The following WDR1 variants were observed in gnomAD, a reference collection of about 807,000 sequenced individuals.
The protein encoded by WDR1 is WD repeat-containing protein 1.
WDR1 carries 21 observed loss-of-function variants against 71.9 expected under a neutral mutation model. That is an observed-to-expected ratio of 0.29 (90% CI 0.21 to 0.42). The LOEUF is 0.42. Among genes scored for constraint, WDR1 ranks in the 10% least tolerant of loss-of-function variants. The pLI is 1.00. For synonymous variants in WDR1, 424 were observed against 347.4 expected (o/e 1.22, Z -2.45); for missense variants, 696 against 824.5 (o/e 0.84, Z 1.91).
In WDR1 at chr4:10,087,691, C is replaced by T. The variant is rs761987567; in HGVS notation, c.951+16G>A. ...GTCCACCCAGCGGGCAGAGCCTTCC[C>T]CAGGGCAGGCCTTACCTTGATGACG... On this transcript the variant is annotated intron_variant, in intron 8 of 14. Coordinates refer to ENST00000499869, the MANE Select transcript of WDR1 (RefSeq NM_017491.5). The T allele has an allele frequency of 6.4e-7, 1 of 1,566,596 alleles. No homozygotes were observed. Among genetic ancestry groups the T allele is most frequent in the East Asian group, 2.3e-5 (1 of 42,828 alleles).
At chr4:10,075,519 A>G in intron 14 of WDR1, 35 bp from the exon 15 acceptor site, 1 of 1,586,366 alleles carries the variant, frequency 6.3e-7, no homozygotes, top group Non-Finnish European at 8.6e-7. Flanking sequence ...CGAAAAGCCA[A>G]ACTTCTCTGC....
chr4:10,081,368 A>G lies in WDR1; in HGVS notation c.1273T>C (p.Cys425Arg). The change falls in exon 11 of 15, where the codon TGC becomes CGC. Residue 425 changes from cysteine to arginine, a missense_variant. Physicochemically the swap from Cys to Arg is radical, Grantham distance 180 (BLOSUM62 -3). Transcript: ENST00000499869. ...AGCCAGGTCCCTACCTGTCCAATGC[A>G]CACGACCACGGCGTATCCCCCGGGG... ...VGPGGYAVVVCIGQIVLLKDQ... is the reference protein window; with the variant it reads ...VGPGGYAVVVRIGQIVLLKDQ... The G allele has an allele frequency of 6.2e-7, 1 of 1,613,900 alleles. No individual in the cohort carries two copies. The highest frequency in any genetic ancestry group is 8.5e-7 in the Non-Finnish European group (1 of 1,179,842).
rs1311218850 is a variant in WDR1 at position 10,116,756 on chromosome 4, G to A, written c.-90C>T. ...TACACCTCGCCGAGGCCGAGCCCGG[G>A]GACTGGAGCCGGAAGGCGGCACCGG... On this transcript the variant is annotated 5_prime_UTR_variant, in exon 1 of 15. Coordinates refer to ENST00000499869, the MANE Select transcript of WDR1 (RefSeq NM_017491.5). 5 of 1,238,262 alleles carry A rather than the reference G, an allele frequency of 4.0e-6. No homozygotes were observed. The highest frequency in any genetic ancestry group is 4.2e-5 in the Admixed American group (1 of 23,860). The allele number at this position is 1,238,262 out of a possible 1,614,324, so 76.7% of individuals were successfully genotyped here.
chr4:10,110,963 T>C (rs1194012336), intron 2 of WDR1, among the ~76,000 whole-genome samples: 1 of 152,232 alleles, frequency 6.6e-6, no homozygotes, highest in East Asian at 1.9e-4. Flanking sequence ...AGGGTATGGC[T>C]TGCCAAGACA....
intron 5 of WDR1, among the ~76,000 whole-genome samples, chr4:10,095,322 T>C (rs749840121): frequency 3.9e-5 from 6 of 152,244 alleles, no homozygotes; most frequent in Admixed American, 2.6e-4. Context: ...TGCCCACATA[T>C]GGTTTTAAAA....
intron 2 of WDR1, among the ~76,000 whole-genome samples, chr4:10,111,238 T>C (rs35995899): frequency 0.48 from 73,319 of 152,012 alleles, 17,990 homozygotes; most frequent in East Asian, 0.63. Context: ...ACACCAGCAC[T>C]TCTCAGCCTG....
intron 5 of WDR1, chr4:10,093,066 G>A (rs1417410386): frequency 7.8e-7 from 1 of 1,289,380 alleles, no homozygotes; most frequent in Admixed American, 2.3e-5. Context: ...GAGGCTTGAA[G>A]CACTGAGGTC....
At chr4:10,104,972 C>G (rs1282815860) in intron 2 of WDR1, among the ~76,000 whole-genome samples, 3 of 151,986 alleles carry the variant, frequency 2.0e-5, no homozygotes, top group Admixed American at 1.3e-4. Flanking sequence ...ACCTGAGGGG[C>G]CCCCATCTCA....
At chr4:10,097,919 A>G in intron 4 of WDR1, 28 bp from the exon 5 acceptor site, 1 of 191,758 alleles carries the variant, frequency 5.2e-6, no homozygotes. Context: ...GGTGGAAGAC[A>G]AAAAAAAAAA....
chr4:10,094,700 T>C (rs1387039841), intron 5 of WDR1: 1 of 152,142 alleles, frequency 6.6e-6, no homozygotes, highest in African/African-American at 2.4e-5. Flanking sequence ...TCAATGTCAC[T>C]GGGTAGGAAT....
chr4:10,115,744 T>G (rs1297218731), intron 2 of WDR1: 1 of 171,618 alleles, frequency 5.8e-6, no homozygotes, highest in Non-Finnish European at 1.3e-5. Context: ...ACCGGGTCAG[T>G]CTGATCCCTC....
Position 10,077,923 on chromosome 4 carries a change from C to G in WDR1, c.1399G>C (p.Gly467Arg), listed in dbSNP as rs761257173. The change falls in exon 13 of 15, where the codon GGC becomes CGC. Residue 467 changes from glycine to arginine, a missense_variant. Coordinates refer to ENST00000499869, the MANE Select transcript of WDR1 (RefSeq NM_017491.5). ...GDTVAIGGVD[G>R]NVRLYSILGT... Reference sequence around the variant, plus strand: ...AGGATGGAATACAGGCGGACGTTGCCGTCCTACGGCAGGGACAGAGAGGAA... The same window carrying G: ...AGGATGGAATACAGGCGGACGTTGCGGTCCTACGGCAGGGACAGAGAGGAA... The G allele has an allele frequency of 2.5e-6, 4 of 1,602,522 alleles. No individual in the cohort carries two copies. In the African/African-American group the frequency reaches 4.0e-5, roughly 16 times the overall value.
intron 11 of WDR1, among the ~76,000 whole-genome samples, chr4:10,080,437 C>T (rs1245282574): frequency 6.6e-6 from 1 of 152,232 alleles, no homozygotes; most frequent in Non-Finnish European, 1.5e-5. Context: ...TCCCTTTGCA[C>T]CTCCCCACCC....
At chr4:10,104,792 C>T (rs1223812740) in intron 2 of WDR1, among the ~76,000 whole-genome samples, 1 of 152,210 alleles carries the variant, frequency 6.6e-6, no homozygotes, top group Non-Finnish European at 1.5e-5. Flanking sequence ...CATCTAATCT[C>T]TGCTACCTAC....
At chr4:10,078,325 G>A (rs1764878109) in intron 12 of WDR1, among the ~76,000 whole-genome samples, 1 of 152,204 alleles carries the variant, frequency 6.6e-6, no homozygotes, top group Non-Finnish European at 1.5e-5. Flanking sequence ...GAGGGGAAAT[G>A]AGCTCTTCTA....
intron 2 of WDR1, among the ~76,000 whole-genome samples, chr4:10,111,704 A>AC (rs1285592664): frequency 1.3e-5 from 2 of 151,906 alleles, no homozygotes; most frequent in East Asian, 3.9e-4. Context: ...TGCCACCATT[A>AC]CCCCCAACCC....
At chr4:10,078,659 C>T (rs1043871543) in intron 12 of WDR1, 6 of 477,228 alleles carry the variant, frequency 1.3e-5, no homozygotes, top group Non-Finnish European at 2.2e-5. Flanking sequence ...TTGTGGGCAC[C>T]CGGGCAGTGA....
At position 10,078,938 on chromosome 4, in the gene WDR1, C is replaced by T. The variant is rs775948553; in HGVS notation, c.1348G>A (p.Val450Ile). The T allele has an allele frequency of 3.1e-6, 5 of 1,613,060 alleles. No individual in the cohort carries two copies. The highest frequency in any genetic ancestry group is 1.3e-5 in the African/African-American group (1 of 75,052). ...TCCCCGCCGGGGTGCACTGCCACAA[C>T]TTCGGGCTCGTAGCCGGGGTTGTCG... The part of the protein sequence containing the change: ...SIDNPGYEPE[V>I]VAVHPGGDTV... The change falls in exon 12 of 15, where the codon GTT becomes ATT. Residue 450 changes from valine to isoleucine, a missense_variant. By Grantham distance (29) the Val-to-Ile change is conservative. Transcript: ENST00000499869.
chr4:10,111,490 G>A (rs948150672), intron 2 of WDR1, among the ~76,000 whole-genome samples: 4 of 152,134 alleles, frequency 2.6e-5, no homozygotes, highest in African/African-American at 4.8e-5. Flanking sequence ...CTGCCAGCTC[G>A]TTTGCACCCA....
Sources: allele counts gnomAD v4.1 joint callset (sites outside exome capture counted in the v4.1 genomes callset), GRCh38; gene constraint gnomAD v4.1.1; transcripts MANE v1.5; gene names NCBI Gene and HGNC (gene_info 2026-07-23, HGNC 2026-07-21).